The following EFNA5 variants were observed in gnomAD, a reference collection of about 807,000 sequenced individuals.
EFNA5 encodes ephrin A5.
In EFNA5, 5 loss-of-function variants were observed where a neutral mutation model predicts 22.9. The observed-to-expected ratio is 0.22, with a 90% CI of 0.11 to 0.46. The LOEUF is 0.46. Ranked by LOEUF, EFNA5 falls within the 20% of genes least tolerant of loss-of-function variation. EFNA5 has a pLI of 0.99. For synonymous variants in EFNA5, 113 were observed against 112.2 expected, an observed-to-expected ratio of 1.01 and a Z score of -0.04; for missense variants, 237 against 293.3, an observed-to-expected ratio of 0.81 and a Z score of 1.40.
intron 1 of EFNA5, among the ~76,000 whole-genome samples, chr5:107,481,184 A>G (rs1750449752): frequency 6.6e-6 from 1 of 152,190 alleles, no homozygotes; most frequent in Non-Finnish European, 1.5e-5. Flanking sequence ...TCAACTGCAA[A>G]TGAGAAAAAC....
At chr5:107,477,061 G>C (rs1750332235) in intron 1 of EFNA5, among the ~76,000 whole-genome samples, 1 of 152,082 alleles carries the variant, frequency 6.6e-6, no homozygotes, top group South Asian at 2.1e-4. Context: ...CAATGAACAG[G>C]AAAGGCTGTG....
chr5:107,514,823 T>C (rs1747443155), intron 1 of EFNA5, among the ~76,000 whole-genome samples: 1 of 152,136 alleles, frequency 6.6e-6, no homozygotes, highest in African/African-American at 2.4e-5. Flanking sequence ...TGACTTAATC[T>C]CCTACCTCTC....
intron 2 of EFNA5, among the ~76,000 whole-genome samples, chr5:107,409,682 T>A (rs574471749): frequency 6.6e-6 from 1 of 152,216 alleles, no homozygotes; most frequent in Non-Finnish European, 1.5e-5. Flanking sequence ...TTGGGTGCAG[T>A]AACTAGTTAT....
chr5:107,391,997 C>T (rs1470711315), intron 2 of EFNA5, among the ~76,000 whole-genome samples: 3 of 152,194 alleles, frequency 2.0e-5, no homozygotes, highest in African/African-American at 7.2e-5. Context: ...AGCACTTAGC[C>T]AACTTGGTAT....
intron 1 of EFNA5, among the ~76,000 whole-genome samples, chr5:107,446,470 C>A (rs1210115115): frequency 6.6e-6 from 1 of 152,146 alleles, no homozygotes; most frequent in Non-Finnish European, 1.5e-5. Flanking sequence ...TTTAGAAAGG[C>A]AGGACCTGGT....
At chr5:107,389,127 G>A (rs1747718264) in intron 2 of EFNA5, among the ~76,000 whole-genome samples, 1 of 152,172 alleles carries the variant, frequency 6.6e-6, no homozygotes, top group African/African-American at 2.4e-5. Context: ...GAGAAAAAGT[G>A]TTTTTGGTCC....
At chr5:107,459,375 T>TA in intron 1 of EFNA5, among the ~76,000 whole-genome samples, 1 of 91,516 alleles carries the variant, frequency 1.1e-5, no homozygotes, top group East Asian at 5.7e-4. Context: ...TTGGAACACA[T>TA]GAAAAAAAAA....
intron 2 of EFNA5, among the ~76,000 whole-genome samples, chr5:107,423,593 A>T (rs1025247369): frequency 6.6e-6 from 1 of 152,208 alleles, no homozygotes; most frequent in Non-Finnish European, 1.5e-5. Context: ...TAGGAAGTCT[A>T]TATAAACAAC....
intron 2 of EFNA5, among the ~76,000 whole-genome samples, chr5:107,419,660 C>G (rs1458626951): frequency 6.6e-6 from 1 of 152,174 alleles, no homozygotes; most frequent in East Asian, 1.9e-4. Context: ...TTCCACTCTT[C>G]TGTATTAATA....
intron 1 of EFNA5, among the ~76,000 whole-genome samples, chr5:107,549,724 C>T (rs757897423): frequency 2.0e-5 from 3 of 152,252 alleles, no homozygotes; most frequent in East Asian, 3.8e-4. Context: ...GATGCCTCTG[C>T]GTAGGGATGT....
intron 1 of EFNA5, among the ~76,000 whole-genome samples, chr5:107,647,122 T>G (rs1242118411): frequency 6.6e-6 from 1 of 152,140 alleles, no homozygotes; most frequent in South Asian, 2.1e-4. Context: ...GAAATATAGT[T>G]GATAAGATTA....
At chr5:107,429,364 C>T (rs748606081) in intron 1 of EFNA5, among the ~76,000 whole-genome samples, 12 of 152,254 alleles carry the variant, frequency 7.9e-5, no homozygotes, top group East Asian at 7.7e-4. Context: ...AAGAATGGCA[C>T]GAACCTGGAA....
At chr5:107,413,593 C>T (rs757632441) in intron 2 of EFNA5, among the ~76,000 whole-genome samples, 11 of 152,166 alleles carry the variant, frequency 7.2e-5, no homozygotes, top group Non-Finnish European at 1.5e-4. Flanking sequence ...ATGAATATTT[C>T]TTATCACTTG....
At chr5:107,540,046 T>C (rs1426684047) in intron 1 of EFNA5, among the ~76,000 whole-genome samples, 1 of 152,046 alleles carries the variant, frequency 6.6e-6, no homozygotes, top group Admixed American at 6.6e-5. Context: ...GGACTATTTG[T>C]TCTAAAGGAT....
chr5:107,395,680 G>C (rs984179469), intron 2 of EFNA5, among the ~76,000 whole-genome samples: 1 of 152,144 alleles, frequency 6.6e-6, no homozygotes, highest in African/African-American at 2.4e-5. Flanking sequence ...CAGGCTTTAA[G>C]GTCAGCCAGT....
intron 1 of EFNA5, among the ~76,000 whole-genome samples, chr5:107,627,776 C>G (rs1455049837): frequency 1.3e-5 from 2 of 151,818 alleles, no homozygotes; most frequent in Non-Finnish European, 2.9e-5. Context: ...GATGAATTTC[C>G]ATTTCAATTA....
At chr5:107,410,019 A>ATTGTTT (rs1554057257) in intron 2 of EFNA5, among the ~76,000 whole-genome samples, 1 of 128,544 alleles carries the variant, frequency 7.8e-6, no homozygotes, top group Non-Finnish European at 1.6e-5. Context: ...AAGTGACATG[A>ATTGTTT]TTCTTTTTTT....
chr5:107,590,605 A>ATAG (rs1749300948), intron 1 of EFNA5, among the ~76,000 whole-genome samples: 1 of 151,760 alleles, frequency 6.6e-6, no homozygotes, highest in African/African-American at 2.4e-5. Flanking sequence ...GTTGCCCAGG[A>ATAG]TAGTCTTGAA....
At chr5:107,419,194 ATT>A (rs1748589171) in intron 2 of EFNA5, among the ~76,000 whole-genome samples, 1 of 152,234 alleles carries the variant, frequency 6.6e-6, no homozygotes, top group Non-Finnish European at 1.5e-5. Flanking sequence ...GGAAATTACA[ATT>A]AACAGAATAA....
Sources: gnomAD v4.1 joint callset for allele counts (sites outside exome capture counted in the v4.1 genomes callset) on GRCh38, gnomAD v4.1.1 for gene constraint, MANE v1.5 for transcripts, NCBI Gene and HGNC (gene_info 2026-07-23, HGNC 2026-07-21) for gene names.